THAP10: variants seen among roughly 807,000 people sequenced by gnomAD.
The protein encoded by THAP10 is THAP domain containing 10.
THAP10 carries 10 observed loss-of-function variants against 15.7 expected under a neutral mutation model. The ratio of observed to expected loss-of-function variants is 0.64; its 90% CI spans 0.39 to 1.08. The LOEUF is 1.08. Ranked by LOEUF, THAP10 falls within the 50% of genes least tolerant of loss-of-function variation. The pLI is 0.01. For synonymous variants in THAP10, 127 were observed against 129.1 expected (o/e 0.98, Z 0.11); for missense variants, 310 against 330.9 (o/e 0.94, Z 0.49).
In THAP10 at chr15:70,881,915, G is replaced by A. The variant is rs918386665; in HGVS notation, c.*539C>T. 6.6e-6 allele frequency: 1 copy of A among 152,166 alleles called. No homozygotes were observed. The highest frequency in any genetic ancestry group is 1.5e-5 in the Non-Finnish European group (1 of 68,092). The allele number at this position is 152,166 out of a possible 1,614,324, so 9.4% of individuals were successfully genotyped here. On this transcript the variant is annotated 3_prime_UTR_variant, in exon 3 of 3. Coordinates refer to ENST00000249861, the MANE Select transcript of THAP10 (RefSeq NM_020147.4). ...ATAGATTCATCAGAAATGCTCACAG[G>A]ACAGATCTATACATGTTACAAATGG...
chr15:70,889,583 T>C (rs936141064), intron 1 of THAP10, among the ~76,000 whole-genome samples: 19 of 152,326 alleles, frequency 1.2e-4, no homozygotes, highest in African/African-American at 4.3e-4. Context: ...AAAAATTCAG[T>C]TGGGTTTTTT....
At chr15:70,887,575 T>C (rs1180093698) in intron 1 of THAP10, among the ~76,000 whole-genome samples, 1 of 152,068 alleles carries the variant, frequency 6.6e-6, no homozygotes, top group Admixed American at 6.5e-5. Context: ...TAATCTAAAC[T>C]AGAAATAAAG....
chr15:70,883,285 G>A (rs59437666), intron 1 of THAP10, among the ~76,000 whole-genome samples: 4,484 of 151,994 alleles, frequency 0.03, 217 homozygotes, highest in African/African-American at 0.1. Flanking sequence ...TCCGCCTGCC[G>A]GGTTCAAGTG....
At chr15:70,889,564 A>T (rs2033500050) in intron 1 of THAP10, among the ~76,000 whole-genome samples, 1 of 152,238 alleles carries the variant, frequency 6.6e-6, no homozygotes, top group Non-Finnish European at 1.5e-5. Flanking sequence ...AGTTCAAGTC[A>T]ACAATTTAAA....
In THAP10 at chr15:70,882,183, C is replaced by A; in HGVS notation, c.*271G>T. ...GCTTAATTTTGATTAGGAAGTGTTGCTGATATTGTGGTTTTGCTTTGTAAC... is the reference window on the plus strand; with the variant it reads ...GCTTAATTTTGATTAGGAAGTGTTGATGATATTGTGGTTTTGCTTTGTAAC... On this transcript the variant is annotated 3_prime_UTR_variant, in exon 3 of 3. Transcript: ENST00000249861. 3.1e-6 allele frequency: 1 copy of A among 324,928 alleles called. No homozygotes were observed. Among genetic ancestry groups the A allele is most frequent in the East Asian group, 5.5e-5 (1 of 18,158 alleles). 20.1% of individuals were successfully genotyped at this position (324,928 alleles called of 1,614,324 possible).
chr15:70,885,847 T>C (rs1433584573), intron 1 of THAP10, among the ~76,000 whole-genome samples: 6 of 152,184 alleles, frequency 3.9e-5, no homozygotes, highest in African/African-American at 1.4e-4. Context: ...ACATGATTAA[T>C]AGACATCAGT....
At chr15:70,891,774 G>A in intron 1 of THAP10, 70 bp downstream of exon 1, 14 of 1,368,640 alleles carry the variant, frequency 1.0e-5, no homozygotes, top group Non-Finnish European at 1.3e-5. Flanking sequence ...CTTTCCCAAG[G>A]TGACACTAAG....
chr15:70,891,843 C>T lies in THAP10; in HGVS notation c.429+1G>A, dbSNP rs763915679. 8 of 1,583,040 alleles carry T rather than the reference C, an allele frequency of 5.1e-6. No homozygotes were observed. In the South Asian group the frequency reaches 9.3e-5, roughly 18 times the overall value. ...CACAACCTTCGGTGGTCTCTCTTTA[C>T]CTGTGAAGCTGCAGCCTGCTTCCCA... On this transcript the variant is annotated splice_donor_variant, in intron 1 of 2. Transcript: ENST00000249861. LOFTEE classifies it high-confidence loss of function.
At position 70,882,156 on chromosome 15, in the gene THAP10, A is replaced by G. The variant is rs1010402327; in HGVS notation, c.*298T>C. 7 of 267,360 alleles carry G rather than the reference A, an allele frequency of 2.6e-5. No individual in the cohort carries two copies. The highest frequency in any genetic ancestry group is 8.9e-5 in the African/African-American group (4 of 44,850). 16.6% of individuals were successfully genotyped at this position (267,360 alleles called of 1,614,324 possible). A position where few individuals can be genotyped will look rare whatever the true frequency, so the allele number is the denominator to read the frequency against. On this transcript the variant is annotated 3_prime_UTR_variant, in exon 3 of 3. Coordinates refer to ENST00000249861, the MANE Select transcript of THAP10 (RefSeq NM_020147.4). ...TGAACTAAGCTTAAACAAATATTCA[A>G]TGCTTAATTTTGATTAGGAAGTGTT...
intron 1 of THAP10, among the ~76,000 whole-genome samples, chr15:70,883,757 C>T (rs1021990202): frequency 1.3e-5 from 2 of 150,972 alleles, no homozygotes; most frequent in Non-Finnish European, 3.0e-5. Flanking sequence ...CGGGTTCAAG[C>T]AATTGTCGTG....
At chr15:70,887,391 A>G (rs1371127984) in intron 1 of THAP10, among the ~76,000 whole-genome samples, 1 of 152,152 alleles carries the variant, frequency 6.6e-6, no homozygotes, top group East Asian at 1.9e-4. Context: ...CTAATATTTT[A>G]TTAAGCAATA....
At position 70,892,387 on chromosome 15, in the gene THAP10, T is replaced by A; in HGVS notation, c.-115A>T. Reference sequence around the variant, plus strand: ...CCCCTCCTCACCTGTCCACTCCGGGTCGGGATTGTTTCCTTCCCTACCTCT... The same window carrying A: ...CCCCTCCTCACCTGTCCACTCCGGGACGGGATTGTTTCCTTCCCTACCTCT... On this transcript the variant is annotated 5_prime_UTR_variant, in exon 1 of 3. Coordinates refer to ENST00000249861, the MANE Select transcript of THAP10 (RefSeq NM_020147.4). The A allele has an allele frequency of 2.6e-6, 4 of 1,544,584 alleles. No homozygotes were observed.
rs567427081 is a variant in THAP10, at chr15:70,881,529, C to G, written c.*925G>C. 6.6e-6 allele frequency: 1 copy of G among 152,186 alleles called. No individual in the cohort carries two copies. Among genetic ancestry groups the G allele is most frequent in the East Asian group, 1.9e-4 (1 of 5,174 alleles). 9.4% of individuals were successfully genotyped at this position (152,186 alleles called of 1,614,324 possible). On this transcript the variant is annotated 3_prime_UTR_variant, in exon 3 of 3. Coordinates refer to ENST00000249861, the MANE Select transcript of THAP10 (RefSeq NM_020147.4). ...ATTTTTGTTATTCTCAATGGAAGAT[C>G]AGAGTTATAGTATGCTTCTCAGAAA...
chr15:70,883,856 A>G (rs1193861895), intron 1 of THAP10, among the ~76,000 whole-genome samples: 1 of 151,742 alleles, frequency 6.6e-6, no homozygotes, highest in African/African-American at 2.4e-5. Context: ...ATGTTTCACC[A>G]TGGTAACCAG....
chr15:70,888,447 G>A (rs1281654189), intron 1 of THAP10, among the ~76,000 whole-genome samples: 1 of 152,138 alleles, frequency 6.6e-6, no homozygotes, highest in African/African-American at 2.4e-5. Flanking sequence ...AAGATGCTGA[G>A]TCAAATGGGT....
intron 1 of THAP10, among the ~76,000 whole-genome samples, chr15:70,891,059 A>G (rs2033545366): frequency 6.6e-6 from 1 of 152,128 alleles, no homozygotes; most frequent in Non-Finnish European, 1.5e-5. Context: ...GGACCTAAGT[A>G]AGGATTACAG....
Position 70,891,935 on chromosome 15 carries a change from C to T in THAP10, c.338G>A (p.Gly113Glu). The T allele has an allele frequency of 6.2e-7, 1 of 1,613,808 alleles. No homozygotes were observed. Residue 113 changes from glycine (G) to glutamate (E), a missense_variant, in exon 1 of 3, where the codon GGA (glycine) becomes GAA (glutamate). Gly to Glu is a moderately conservative substitution (Grantham distance 98). Transcript: ENST00000249861. ...GDQAGRLDTR[G>E]ELQAARHSEA... Reference sequence around the variant, plus strand: ...AGAATGCCTGGCTGCCTGGAGCTCTCCTCGCGTGTCCAGGCGGCCTGCTTG... The same window carrying T: ...AGAATGCCTGGCTGCCTGGAGCTCTTCTCGCGTGTCCAGGCGGCCTGCTTG...
rs1265469843 is a variant in THAP10 at position 70,881,698 on chromosome 15, C to T, written c.*756G>A. On this transcript the variant is annotated 3_prime_UTR_variant, in exon 3 of 3. Coordinates refer to ENST00000249861, the MANE Select transcript of THAP10 (RefSeq NM_020147.4). ...GTGTTGACAGAAAAAATACCTAACA[C>T]CTGCAATGGGAATACGTTAGAAATG... 2 of 152,108 alleles carry T rather than the reference C, an allele frequency of 1.3e-5. No individual in the cohort carries two copies. The highest frequency in any genetic ancestry group is 1.3e-4 in the Admixed American group (2 of 15,272). 9.4% of individuals were successfully genotyped at this position (152,108 alleles called of 1,614,324 possible).
chr15:70,882,208 C>A lies in THAP10; in HGVS notation c.*246G>T. 2.7e-6 allele frequency: 1 copy of A among 366,808 alleles called. No homozygotes were observed. Among genetic ancestry groups the A allele is most frequent in the East Asian group, 4.4e-5 (1 of 22,696 alleles). The allele number at this position is 366,808 out of a possible 1,614,324, so 22.7% of individuals were successfully genotyped here. On this transcript the variant is annotated 3_prime_UTR_variant, in exon 3 of 3. Transcript: ENST00000249861. ...CTGATATTGTGGTTTTGCTTTGTAA[C>A]CTGATTTCTACCAAAAGGATTAAAA...
Sources: gnomAD v4.1 joint callset for allele counts (sites outside exome capture counted in the v4.1 genomes callset) on GRCh38, gnomAD v4.1.1 for gene constraint, MANE v1.5 for transcripts, NCBI Gene and HGNC (gene_info 2026-07-23, HGNC 2026-07-21) for gene names.